The following CHODL variants were observed in gnomAD, a reference collection of about 807,000 sequenced individuals.
CHODL encodes the protein transmembrane protein MT75.
In CHODL, 29 loss-of-function variants were observed where a neutral mutation model predicts 34.5. The ratio of observed to expected loss-of-function variants is 0.84; its 90% confidence interval spans 0.63 to 1.15. The LOEUF (loss-of-function observed/expected upper bound fraction) is 1.15, where lower values mean the gene tolerates loss of function less well. Ranked by LOEUF, CHODL falls within the 50% of genes most tolerant of loss-of-function variation. CHODL has a pLI of 0.00. For synonymous variants in CHODL, 125 were observed against 116.1 expected (o/e 1.08, Z -0.49); for missense variants, 332 against 332.5 (o/e 1.00, Z 0.01).
At chr21:18,060,229 C>A (rs181569612) in intron 2 of CHODL, among the ~76,000 whole-genome samples, 68 of 152,122 alleles carry the variant, frequency 4.5e-4, no homozygotes, top group Non-Finnish European at 1.3e-4. Context: ...CCAAAGCAGG[C>A]AGATCGCTTG....
intron 2 of CHODL, among the ~76,000 whole-genome samples, chr21:18,178,289 G>T (rs1354963838): frequency 1.3e-5 from 2 of 152,102 alleles, no homozygotes; most frequent in South Asian, 2.1e-4. Context: ...GGTGACAGTG[G>T]TAACTACAGG....
chr21:18,034,888 A>T (rs1372258196), intron 2 of CHODL, among the ~76,000 whole-genome samples: 1 of 151,980 alleles, frequency 6.6e-6, no homozygotes, highest in Admixed American at 6.6e-5. Flanking sequence ...CAGGCTCGCC[A>T]CTTGTTAAGG....
chr21:18,243,399 G>A (rs1214488623), upstream of CHODL, among the ~76,000 whole-genome samples: 3 of 152,140 alleles, frequency 2.0e-5, no homozygotes, highest in Non-Finnish European at 4.4e-5. Flanking sequence ...TGAATAATTA[G>A]CTAGTGTGAA....
intron 2 of CHODL, among the ~76,000 whole-genome samples, chr21:18,229,661 T>C (rs1184554773): frequency 2.0e-5 from 3 of 152,126 alleles, no homozygotes; most frequent in Non-Finnish European, 4.4e-5. Context: ...ATTTGTGGAA[T>C]AATAATACAA....
At chr21:18,248,640 A>G (rs1208809393) in intron 1 of CHODL, among the ~76,000 whole-genome samples, 1 of 129,912 alleles carries the variant, frequency 7.7e-6, no homozygotes, top group Non-Finnish European at 1.6e-5. Flanking sequence ...TAATACATAT[A>G]TGTATATATT....
intron 1 of CHODL, among the ~76,000 whole-genome samples, chr21:18,011,016 T>G (rs1600892067): frequency 6.6e-6 from 1 of 152,158 alleles, no homozygotes; most frequent in Non-Finnish European, 1.5e-5. Context: ...ACAATGGGGT[T>G]TTTTGAAGTT....
At chr21:17,954,436 G>T (rs2063482022) in intron 1 of CHODL, among the ~76,000 whole-genome samples, 2 of 145,622 alleles carry the variant, frequency 1.4e-5, no homozygotes, top group Admixed American at 1.4e-4. Context: ...TTCTGGAAGA[G>T]ATCAGCATTT....
At chr21:18,104,582 A>G (rs976943860) in intron 2 of CHODL, among the ~76,000 whole-genome samples, 4 of 152,194 alleles carry the variant, frequency 2.6e-5, no homozygotes, top group Non-Finnish European at 5.9e-5. Context: ...CTCAAACCAT[A>G]TGGGATCTTC....
chr21:17,928,964 T>C (rs2063249381), intron 1 of CHODL, among the ~76,000 whole-genome samples: 1 of 152,234 alleles, frequency 6.6e-6, no homozygotes, highest in Non-Finnish European at 1.5e-5. Flanking sequence ...AGTATCATAG[T>C]CACTAGAAAT....
intron 1 of CHODL, among the ~76,000 whole-genome samples, chr21:17,948,551 A>G (rs1305181604): frequency 6.6e-6 from 1 of 152,008 alleles, no homozygotes; most frequent in African/African-American, 2.4e-5. Flanking sequence ...AAAAAGAGGA[A>G]ATAAAATAGC....
chr21:18,184,936 C>T (rs1476338206), intron 2 of CHODL, among the ~76,000 whole-genome samples: 1 of 152,194 alleles, frequency 6.6e-6, no homozygotes, highest in African/African-American at 2.4e-5. Flanking sequence ...ATACTACTCA[C>T]AGCCTCTTTT....
chr21:18,122,905 T>C (rs1297780633), intron 2 of CHODL, among the ~76,000 whole-genome samples: 1 of 152,242 alleles, frequency 6.6e-6, no homozygotes, highest in African/African-American at 2.4e-5. Flanking sequence ...CCCATCGTTA[T>C]ATGTTAATTT....
At chr21:18,167,252 TG>T (rs1380229496) in intron 2 of CHODL, among the ~76,000 whole-genome samples, 1 of 144,614 alleles carries the variant, frequency 6.9e-6, no homozygotes, top group Non-Finnish European at 1.6e-5. Flanking sequence ...TGTGTGTGTG[TG>T]TGTATTTTGG....
At chr21:18,088,561 G>C (rs2065035497) in intron 2 of CHODL, among the ~76,000 whole-genome samples, 1 of 152,096 alleles carries the variant, frequency 6.6e-6, no homozygotes, top group South Asian at 2.1e-4. Context: ...CAAGCCCTGT[G>C]GTTTTCTCTC....
At chr21:18,050,159 C>T (rs2064495940) in intron 2 of CHODL, among the ~76,000 whole-genome samples, 1 of 151,766 alleles carries the variant, frequency 6.6e-6, no homozygotes, top group Admixed American at 6.6e-5. Context: ...TCGTGTGATC[C>T]TTAGGAAACA....
chr21:17,951,170 T>C (rs2063454705), intron 1 of CHODL, among the ~76,000 whole-genome samples: 1 of 151,604 alleles, frequency 6.6e-6, no homozygotes, highest in Admixed American at 6.6e-5. Context: ...TTTAGTGGCA[T>C]GATTACTTTG....
chr21:18,220,829 G>A (rs1466060327), intron 2 of CHODL, among the ~76,000 whole-genome samples: 1 of 151,608 alleles, frequency 6.6e-6, no homozygotes, highest in Non-Finnish European at 1.5e-5. Flanking sequence ...AATTATCTTT[G>A]TCTTTGGTTT....
At chr21:18,193,712 A>AAAAAAAAT (rs1555881309) in intron 2 of CHODL, among the ~76,000 whole-genome samples, 3 of 139,308 alleles carry the variant, frequency 2.2e-5, no homozygotes, top group African/African-American at 8.4e-5. Context: ...AAAAAAAAAT[A>AAAAAAAAT]AAATAAATAA....
intron 1 of CHODL, among the ~76,000 whole-genome samples, chr21:18,251,860 C>T (rs938925444): frequency 3.7e-4 from 56 of 149,726 alleles, no homozygotes; most frequent in African/African-American, 1.3e-3. Context: ...GCAATCTATA[C>T]GACAAACCTC....
Sources: allele counts gnomAD v4.1 joint callset (sites outside exome capture counted in the v4.1 genomes callset), GRCh38; gene constraint gnomAD v4.1.1; transcripts MANE v1.5; gene names NCBI Gene and HGNC (gene_info 2026-07-23, HGNC 2026-07-21).